The following SHC4 variants were observed in gnomAD, a reference collection of about 807,000 sequenced individuals.
SHC4 encodes SHC adaptor protein 4.
Under a neutral mutation model 69.4 loss-of-function variants are expected in SHC4, and 41 were observed. The observed-to-expected ratio is 0.59, with a 90% CI of 0.46 to 0.77. The LOEUF (loss-of-function observed/expected upper bound fraction) is 0.77. Among genes scored for constraint, SHC4 ranks in the 30% least tolerant of loss-of-function variants. The pLI is 0.00. For synonymous variants in SHC4, 318 were observed against 299.3 expected, an observed-to-expected ratio of 1.06 and a Z score of -0.64; for missense variants, 777 against 783.8, an observed-to-expected ratio of 0.99 and a Z score of 0.10.
chr15:48,889,267 G>A (rs567260806), intron 3 of SHC4, among the ~76,000 whole-genome samples: 1 of 152,292 alleles, frequency 6.6e-6, no homozygotes, highest in Non-Finnish European at 1.5e-5. Flanking sequence ...CTAGTCAAAG[G>A]GAGTCCTTGA....
chr15:48,917,069 C>T (rs1217595830), intron 2 of SHC4, among the ~76,000 whole-genome samples: 1 of 152,222 alleles, frequency 6.6e-6, no homozygotes, highest in Admixed American at 6.5e-5. Context: ...GCTCCACTTA[C>T]TGGGTTTACC....
chr15:48,952,567 G>A (rs1447290951), intron 1 of SHC4, among the ~76,000 whole-genome samples: 1 of 151,852 alleles, frequency 6.6e-6, no homozygotes, highest in Non-Finnish European at 1.5e-5. Context: ...CATCTATAAG[G>A]AACTTAAACA....
In SHC4 at chr15:48,963,027, T is replaced by C. The variant is rs746060423; in HGVS notation, c.-12A>G. Reference sequence around the variant, plus strand: ...CCGCGTTCTCGCATAGCCTTGGCAGTGCTGAAACAGGATACTGTTGCATAA... The same window carrying C: ...CCGCGTTCTCGCATAGCCTTGGCAGCGCTGAAACAGGATACTGTTGCATAA... On this transcript the variant is annotated 5_prime_UTR_variant, in exon 1 of 12. Coordinates refer to ENST00000332408, the MANE Select transcript of SHC4 (RefSeq NM_203349.4). 1 of 1,592,776 alleles carries C rather than the reference T, an allele frequency of 6.3e-7. No individual in the cohort carries two copies. The highest frequency in any genetic ancestry group is 1.7e-5 in the Admixed American group (1 of 58,016).
At chr15:48,949,125 A>G (rs1303960382) in intron 1 of SHC4, among the ~76,000 whole-genome samples, 1 of 152,034 alleles carries the variant, frequency 6.6e-6, no homozygotes, top group Non-Finnish European at 1.5e-5. Context: ...TAATCCCAGC[A>G]CTTTGGGAGG....
At chr15:48,921,267 T>C (rs1374701497) in intron 2 of SHC4, among the ~76,000 whole-genome samples, 1 of 150,960 alleles carries the variant, frequency 6.6e-6, no homozygotes, top group African/African-American at 2.4e-5. Flanking sequence ...GTCAAATCCA[T>C]AGACACAAAA....
chr15:48,877,821 G>C lies in SHC4; in HGVS notation c.841-5679C>G, dbSNP rs1426203. On this transcript the variant is annotated intron_variant, in intron 4 of 11. Coordinates refer to ENST00000332408, the MANE Select transcript of SHC4 (RefSeq NM_203349.4). ...GTAAATTGCCCAGGGGAAGAGGAAG[G>C]GGGGGAAGGAGCATTAAATGTTACG... The C allele has an allele frequency of 9.0e-5, 17 of 188,828 alleles. No individual in the cohort carries two copies. In the South Asian group the frequency reaches 1.1e-3, roughly 12 times the overall value. The allele number at this position is 188,828 out of a possible 1,614,324, so 11.7% of individuals were successfully genotyped here. A position where few individuals can be genotyped will look rare whatever the true frequency, so the allele number is the denominator to read the frequency against.
In SHC4 at chr15:48,936,879, A is replaced by G. The variant is rs138112953; in HGVS notation, c.586-11930T>C. Among the ~76,000 whole-genome samples, 287 of 152,310 alleles carry G rather than the reference A, an allele frequency of 1.9e-3. 1 individual carries two copies. The highest frequency in any genetic ancestry group is 6.7e-3 in the African/African-American group (280 of 41,572). On this transcript the variant is annotated intron_variant, in intron 1 of 11. Coordinates refer to ENST00000332408, the MANE Select transcript of SHC4 (RefSeq NM_203349.4). ...CATTCCAACAGTCCTACTCCCATTG[A>G]AAATCCCTTACACAGGGGAATTTGT...
At chr15:48,930,268 A>G (rs937003896) in intron 1 of SHC4, among the ~76,000 whole-genome samples, 2 of 152,232 alleles carry the variant, frequency 1.3e-5, no homozygotes, top group Non-Finnish European at 2.9e-5. Flanking sequence ...ATTTATTTTT[A>G]AAAATAAGTA....
At chr15:48,947,789 T>C (rs1901301345) in intron 1 of SHC4, 1 of 152,226 alleles carries the variant, frequency 6.6e-6, no homozygotes, top group Admixed American at 6.5e-5. Context: ...CCTGCTTTTG[T>C]AACACCCTTT....
chr15:48,844,098 T>TA (rs1370693781), intron 9 of SHC4, among the ~76,000 whole-genome samples: 1 of 152,228 alleles, frequency 6.6e-6, no homozygotes, highest in African/African-American at 2.4e-5. Flanking sequence ...ATAAAATTCT[T>TA]AAGAGTAGGA....
At chr15:48,836,606 C>A (rs1389692219) in intron 10 of SHC4, among the ~76,000 whole-genome samples, 1 of 151,494 alleles carries the variant, frequency 6.6e-6, no homozygotes, top group Non-Finnish European at 1.5e-5. Flanking sequence ...CAGTCTTTAT[C>A]TTTATAAACA....
intron 3 of SHC4, among the ~76,000 whole-genome samples, chr15:48,886,210 T>C (rs192698359): frequency 2.3e-3 from 357 of 152,208 alleles, no homozygotes; most frequent in African/African-American, 8.2e-3. Flanking sequence ...TGAGCCAAGA[T>C]TGGGCCACTG....
At chr15:48,954,788 GC>G (rs765907769) in intron 1 of SHC4, among the ~76,000 whole-genome samples, 17 of 152,262 alleles carry the variant, frequency 1.1e-4, no homozygotes, top group African/African-American at 3.4e-4. Context: ...CACCCCCTAG[GC>G]TATTGAAATC....
At chr15:48,878,094 C>T in intron 4 of SHC4, 1 of 1,495,202 alleles carries the variant, frequency 6.7e-7, no homozygotes, top group African/African-American at 1.4e-5. Context: ...AAGCGCGCAG[C>T]CTTTGCGCAC....
chr15:48,922,724 C>T (rs979882173), intron 2 of SHC4, among the ~76,000 whole-genome samples: 1 of 152,224 alleles, frequency 6.6e-6, no homozygotes, highest in African/African-American at 2.4e-5. Context: ...TTCCTTTGTC[C>T]TGTGCCAACC....
At chr15:48,915,413 G>A (rs1297992126) in intron 2 of SHC4, among the ~76,000 whole-genome samples, 2 of 152,128 alleles carry the variant, frequency 1.3e-5, no homozygotes, top group Non-Finnish European at 2.9e-5. Flanking sequence ...ATTATCTCAA[G>A]TATCTGAAAA....
chr15:48,902,403 C>T (rs879553869), intron 2 of SHC4, among the ~76,000 whole-genome samples: 2 of 152,234 alleles, frequency 1.3e-5, no homozygotes, highest in Admixed American at 1.3e-4. Flanking sequence ...TCAGATATTG[C>T]ATGGTACCTA....
At chr15:48,942,422 C>G (rs1052829856) in intron 1 of SHC4, among the ~76,000 whole-genome samples, 3 of 151,838 alleles carry the variant, frequency 2.0e-5, no homozygotes, top group African/African-American at 7.3e-5. Flanking sequence ...CCAACACCTT[C>G]AAGATGCAAT....
At chr15:48,900,382 C>T (rs917948881) in intron 2 of SHC4, among the ~76,000 whole-genome samples, 3 of 151,998 alleles carry the variant, frequency 2.0e-5, no homozygotes, top group Admixed American at 1.3e-4. Flanking sequence ...TGGTGGGCAC[C>T]TGTAGTCCTA....
Sources: gnomAD v4.1 joint callset for allele counts (sites outside exome capture counted in the v4.1 genomes callset) on GRCh38, gnomAD v4.1.1 for gene constraint, MANE v1.5 for transcripts, NCBI Gene and HGNC (gene_info 2026-07-23, HGNC 2026-07-21) for gene names.